The following CNTNAP2 variants were observed in gnomAD, a reference collection of about 807,000 sequenced individuals.
The protein encoded by CNTNAP2 is contactin associated protein 2, also known as contactin-associated protein-like 2.
Under a neutral mutation model 155.2 loss-of-function variants are expected in CNTNAP2, and 98 were observed. That is an observed-to-expected ratio of 0.63 (90% CI 0.54 to 0.75). The LOEUF is 0.75. Ranked by LOEUF, CNTNAP2 falls within the 30% of genes least tolerant of loss-of-function variation. The pLI is 0.00. For missense variants in CNTNAP2, 1,727 were observed against 1,688.1 expected, an observed-to-expected ratio of 1.02 and a Z score of -0.40; for synonymous variants, 651 against 631.2, an observed-to-expected ratio of 1.03 and a Z score of -0.47.
chr7:147,066,540 A>G (rs146945327), intron 4 of CNTNAP2, among the ~76,000 whole-genome samples: 2 of 152,354 alleles, frequency 1.3e-5, no homozygotes, highest in Middle Eastern at 3.4e-3. Flanking sequence ...TTTAAGCCTT[A>G]CAGGAGATTT....
At chr7:146,176,746 T>A (rs1798477229) in intron 1 of CNTNAP2, among the ~76,000 whole-genome samples, 1 of 152,228 alleles carries the variant, frequency 6.6e-6, no homozygotes, top group Non-Finnish European at 1.5e-5. Context: ...GACTGCTTTA[T>A]TATTAGATAA....
At chr7:147,662,986 G>GGTTTGTTT (rs148012963) in intron 13 of CNTNAP2, among the ~76,000 whole-genome samples, 21 of 152,054 alleles carry the variant, frequency 1.4e-4, no homozygotes, top group Admixed American at 5.9e-4. Flanking sequence ...GGATGTTTCT[G>GGTTTGTTT]GTTTGTTTGT....
At chr7:148,215,781 AT>A (rs1469584297) in intron 18 of CNTNAP2, among the ~76,000 whole-genome samples, 2 of 152,148 alleles carry the variant, frequency 1.3e-5, no homozygotes, top group African/African-American at 2.4e-5. Context: ...GTTTCAAGAC[AT>A]TGACCCAAGT....
intron 15 of CNTNAP2, among the ~76,000 whole-genome samples, chr7:148,042,457 C>T (rs60202400): frequency 0.011 from 1,610 of 152,200 alleles, 46 homozygotes; most frequent in East Asian, 0.083. Context: ...GCATCACGGC[C>T]CCTTTTCATT....
At chr7:148,394,248 G>T (rs923496701) in intron 22 of CNTNAP2, among the ~76,000 whole-genome samples, 1 of 152,000 alleles carries the variant, frequency 6.6e-6, no homozygotes, top group South Asian at 2.1e-4. Flanking sequence ...TTTCCCAAAT[G>T]GCCCACTGTT....
intron 6 of CNTNAP2, chr7:147,121,812 A>C (rs1166203067): frequency 2.6e-5 from 4 of 152,266 alleles, no homozygotes; most frequent in African/African-American, 9.7e-5. Context: ...CATATTTTTA[A>C]ATTATTTGGA....
chr7:146,712,062 T>C (rs867090836), intron 1 of CNTNAP2, among the ~76,000 whole-genome samples: 1 of 99,480 alleles, frequency 1.0e-5, no homozygotes, highest in South Asian at 3.5e-4. Flanking sequence ...TTATGTATAC[T>C]ATATAGTATA....
intron 12 of CNTNAP2, among the ~76,000 whole-genome samples, chr7:147,609,297 C>G (rs57578791): frequency 3.9e-5 from 6 of 152,132 alleles, no homozygotes; most frequent in African/African-American, 1.4e-4. Flanking sequence ...TTTGGGAGGC[C>G]GAGGTGGGCG....
At chr7:146,774,486 C>T in intron 2 of CNTNAP2, 105 bp downstream of exon 2, 1 of 786,530 alleles carries the variant, frequency 1.3e-6, no homozygotes, top group East Asian at 2.8e-5. Context: ...TGGCAGACAC[C>T]AGAAATCACT....
intron 1 of CNTNAP2, among the ~76,000 whole-genome samples, chr7:146,575,747 A>G (rs1203970504): frequency 6.6e-6 from 1 of 152,222 alleles, no homozygotes; most frequent in Non-Finnish European, 1.5e-5. Context: ...CTAAGGCGAT[A>G]AAATCTTTCT....
chr7:147,430,277 A>T (rs1030697545), intron 10 of CNTNAP2, among the ~76,000 whole-genome samples: 1 of 152,208 alleles, frequency 6.6e-6, no homozygotes, highest in South Asian at 2.1e-4. Context: ...CTATGAGGTC[A>T]CAGCCTAGGA....
chr7:147,997,504 C>T (rs1415370211), intron 15 of CNTNAP2, among the ~76,000 whole-genome samples: 2 of 150,500 alleles, frequency 1.3e-5, no homozygotes, highest in Non-Finnish European at 2.9e-5. Flanking sequence ...TGTGGTGAGC[C>T]GAGATCACGC....
chr7:146,329,905 T>G (rs145855345), intron 1 of CNTNAP2, among the ~76,000 whole-genome samples: 20 of 152,252 alleles, frequency 1.3e-4, no homozygotes, highest in African/African-American at 4.8e-4. Flanking sequence ...TTTCCCAAAT[T>G]TTATACCCCC....
At chr7:147,354,764 A>C (rs753577873) in intron 9 of CNTNAP2, among the ~76,000 whole-genome samples, 32 of 152,152 alleles carry the variant, frequency 2.1e-4, no homozygotes, top group Non-Finnish European at 7.4e-5. Flanking sequence ...CTTCCTGTGC[A>C]TGAGCATGGA....
intron 1 of CNTNAP2, among the ~76,000 whole-genome samples, chr7:146,408,957 C>A (rs1795830575): frequency 3.3e-5 from 5 of 152,050 alleles, no homozygotes; most frequent in Admixed American, 3.3e-4. Context: ...AGCTTCAGAA[C>A]CCAGCCTTCT....
chr7:146,849,665 A>G (rs1040861359), intron 3 of CNTNAP2, among the ~76,000 whole-genome samples: 1 of 152,212 alleles, frequency 6.6e-6, no homozygotes, highest in East Asian at 1.9e-4. Flanking sequence ...TGAGAAATAA[A>G]TTAATCAAAA....
rs538251335 is a variant in CNTNAP2, at chr7:146,329,678, G to A, written c.97+212705G>A. Among the ~76,000 whole-genome samples, 82 of 152,164 alleles carry A rather than the reference G, an allele frequency of 5.4e-4. No individual in the cohort carries two copies. The South Asian group carries it at 0.011, about 20-fold the overall frequency. On this transcript the variant is annotated intron_variant, in intron 1 of 23. Transcript: ENST00000361727. ...CTCTTGTTATGTACCAAATTCTAAT[G>A]ATATTTTAAGTCAGTTCTATTCTCA...
At chr7:148,066,537 G>A (rs1055330804) in intron 15 of CNTNAP2, among the ~76,000 whole-genome samples, 6 of 149,990 alleles carry the variant, frequency 4.0e-5, no homozygotes, top group Non-Finnish European at 5.9e-5. Context: ...TCACTCTTTC[G>A]CCCAGGCCGG....
intron 1 of CNTNAP2, among the ~76,000 whole-genome samples, chr7:146,308,971 TATA>T (rs1022774360): frequency 2.0e-5 from 3 of 151,950 alleles, no homozygotes; most frequent in African/African-American, 4.8e-5. Flanking sequence ...GAACCTAAAT[TATA>T]ATAATAATAA....
Sources: gnomAD v4.1 joint callset for allele counts (sites outside exome capture counted in the v4.1 genomes callset) on GRCh38, gnomAD v4.1.1 for gene constraint, MANE v1.5 for transcripts, NCBI Gene and HGNC (gene_info 2026-07-23, HGNC 2026-07-21) for gene names.